SYT16: variants seen among roughly 807,000 people sequenced by gnomAD.
SYT16 encodes synaptotagmin 16.
Under a neutral mutation model 61.4 loss-of-function variants are expected in SYT16, and 42 were observed. The ratio of observed to expected loss-of-function variants is 0.68; its 90% CI spans 0.53 to 0.89. SYT16 has a LOEUF of 0.89. SYT16 is among the 40% of genes least tolerant of loss of function. The pLI, the probability that SYT16 is intolerant of heterozygous loss-of-function variation, is 0.00. For synonymous variants in SYT16, 314 were observed against 302.3 expected, an observed-to-expected ratio of 1.04 and a Z score of -0.40; for missense variants, 804 against 807.3, an observed-to-expected ratio of 1.00 and a Z score of 0.05.
chr14:61,829,774 C>G (rs2045881434), intron 1 of SYT16, among the ~76,000 whole-genome samples: 1 of 152,084 alleles, frequency 6.6e-6, no homozygotes, highest in Non-Finnish European at 1.5e-5. Flanking sequence ...CCTGCCTCAG[C>G]CTCCCGAGTA....
At chr14:61,841,366 T>C (rs929849615) in intron 1 of SYT16, among the ~76,000 whole-genome samples, 1 of 152,208 alleles carries the variant, frequency 6.6e-6, no homozygotes, top group African/African-American at 2.4e-5. Context: ...CTGAATCTGG[T>C]TACAGGAAAA....
At chr14:61,938,947 C>T (rs1248786580) in intron 1 of SYT16, among the ~76,000 whole-genome samples, 6 of 152,260 alleles carry the variant, frequency 3.9e-5, no homozygotes, top group Admixed American at 2.0e-4. Flanking sequence ...CCAGCCTGGC[C>T]AGCATGGTGA....
intron 3 of SYT16, among the ~76,000 whole-genome samples, chr14:62,016,415 C>T (rs375194036): frequency 5.3e-5 from 8 of 151,714 alleles, no homozygotes; most frequent in African/African-American, 1.7e-4. Context: ...TGGCATTGGC[C>T]GGGTGTGGTG....
chr14:61,906,676 G>A (rs1027088849), intron 1 of SYT16, among the ~76,000 whole-genome samples: 1 of 151,912 alleles, frequency 6.6e-6, no homozygotes, highest in African/African-American at 2.4e-5. Context: ...TAAATGAACA[G>A]CTACACTAAC....
intron 1 of SYT16, among the ~76,000 whole-genome samples, chr14:61,832,931 C>T (rs67451636): frequency 0.15 from 22,670 of 151,970 alleles, 1,824 homozygotes; most frequent in African/African-American, 0.21. Context: ...TTTTGTAGTC[C>T]GTTTAATTCA....
intron 1 of SYT16, among the ~76,000 whole-genome samples, chr14:61,905,480 A>G (rs1382635701): frequency 6.6e-6 from 1 of 152,172 alleles, no homozygotes; most frequent in South Asian, 2.1e-4. Flanking sequence ...TATTTCCCAG[A>G]TCTTCTTGCA....
chr14:61,878,963 A>G (rs1182356759), intron 1 of SYT16, among the ~76,000 whole-genome samples: 1 of 152,206 alleles, frequency 6.6e-6, no homozygotes. Context: ...TGTAATGTTT[A>G]TATTTAGGAT....
chr14:62,022,198 A>C (rs2053936697), intron 3 of SYT16, among the ~76,000 whole-genome samples: 1 of 152,102 alleles, frequency 6.6e-6, no homozygotes, highest in African/African-American at 2.4e-5. Context: ...TTAGCTTCAA[A>C]AATTCCATTT....
At chr14:61,872,257 A>G (rs2047354486) in intron 1 of SYT16, among the ~76,000 whole-genome samples, 1 of 152,218 alleles carries the variant, frequency 6.6e-6, no homozygotes, top group Non-Finnish European at 1.5e-5. Context: ...GATATATAAT[A>G]GATGTACCTA....
intron 3 of SYT16, among the ~76,000 whole-genome samples, chr14:62,029,960 A>AT (rs939308309): frequency 4.6e-5 from 7 of 151,714 alleles, no homozygotes; most frequent in Non-Finnish European, 5.9e-5. Context: ...GGTAGTTCTG[A>AT]TTTTTTTTCT....
At chr14:62,018,874 TG>T (rs2053809013) in intron 3 of SYT16, among the ~76,000 whole-genome samples, 1 of 152,206 alleles carries the variant, frequency 6.6e-6, no homozygotes, top group African/African-American at 2.4e-5. Flanking sequence ...CTTGTTTGTT[TG>T]TTTCCATGAG....
At chr14:61,828,439 A>G (rs2045840192) in intron 1 of SYT16, among the ~76,000 whole-genome samples, 2 of 152,186 alleles carry the variant, frequency 1.3e-5, no homozygotes, top group South Asian at 4.1e-4. Flanking sequence ...TCCTTTAGCA[A>G]TTCTTTTAGA....
At chr14:61,998,584 T>C (rs536239638) in intron 3 of SYT16, among the ~76,000 whole-genome samples, 6 of 152,116 alleles carry the variant, frequency 3.9e-5, no homozygotes, top group African/African-American at 1.4e-4. Flanking sequence ...AGTTTGTTGA[T>C]TGATCAGTTG....
intron 3 of SYT16, among the ~76,000 whole-genome samples, chr14:62,037,092 G>A (rs909498703): frequency 7.2e-5 from 11 of 152,158 alleles, no homozygotes; most frequent in African/African-American, 2.7e-4. Context: ...CTAGGAACAA[G>A]TTATTGTGTT....
intron 7 of SYT16, among the ~76,000 whole-genome samples, chr14:62,087,336 G>T (rs1052923351): frequency 7.2e-6 from 1 of 139,648 alleles, no homozygotes; most frequent in Non-Finnish European, 1.5e-5. Flanking sequence ...AGGGAGAGCC[G>T]GCGGCAGCCT....
chr14:61,832,283 C>T (rs1488385933), intron 1 of SYT16: 8 of 596,818 alleles, frequency 1.3e-5, no homozygotes, highest in Non-Finnish European at 2.0e-5. Context: ...AGTCATCGCT[C>T]TTCACAACAT....
intron 1 of SYT16, among the ~76,000 whole-genome samples, chr14:61,825,560 G>A (rs2045747524): frequency 6.6e-6 from 1 of 152,136 alleles, no homozygotes; most frequent in Non-Finnish European, 1.5e-5. Context: ...GTGCGTGCCT[G>A]TAGTCCCAGC....
At position 62,097,035 on chromosome 14, in the gene SYT16, C is replaced by T. The variant is rs546973742; in HGVS notation, c.1625-3359C>T. ...TAGGCCAAGGCTCAGCTCAGCAATT[C>T]GTAGAAAATTATGCTGTAAATGGGT... On this transcript the variant is annotated intron_variant, in intron 7 of 7. Transcript: ENST00000683842. Among the ~76,000 whole-genome samples the T allele has an allele frequency of 2.8e-3, 427 of 152,114 alleles. 1 individual carries two copies. The highest frequency in any genetic ancestry group is 1.0e-2 in the African/African-American group (414 of 41,506).
At chr14:61,835,018 A>G (rs1315607691) in intron 1 of SYT16, among the ~76,000 whole-genome samples, 1 of 152,036 alleles carries the variant, frequency 6.6e-6, no homozygotes, top group African/African-American at 2.4e-5. Context: ...ATAAATCCTG[A>G]CCTTTTATAC....
Sources: gnomAD v4.1 joint callset for allele counts (sites outside exome capture counted in the v4.1 genomes callset) on GRCh38, gnomAD v4.1.1 for gene constraint, MANE v1.5 for transcripts, NCBI Gene and HGNC (gene_info 2026-07-23, HGNC 2026-07-21) for gene names.